Variants in ANK3 observed in about 807,000 individuals in gnomAD.
ANK3 encodes ankyrin 3.
Under a neutral mutation model 370.9 loss-of-function variants are expected in ANK3, and 57 were observed. That is an observed-to-expected ratio of 0.15 (90% confidence interval 0.12 to 0.19). The LOEUF (loss-of-function observed/expected upper bound fraction) is 0.19. Ranked by LOEUF, ANK3 falls within the 10% of genes least tolerant of loss-of-function variation. The pLI is 1.00. For synonymous variants in ANK3, 1,929 were observed against 1,946.3 expected, an observed-to-expected ratio of 0.99 and a Z score of 0.23; for missense variants, 4,439 against 5,302.1, an observed-to-expected ratio of 0.84 and a Z score of 5.06.
At chr10:60,100,213 GAA>G (rs1285342206) in intron 28 of ANK3, among the ~76,000 whole-genome samples, 2 of 118,526 alleles carry the variant, frequency 1.7e-5, no homozygotes, top group African/African-American at 7.3e-5. Flanking sequence ...GCAATAGGCT[GAA>G]AGTCAGTATT....
intron 1 of ANK3, among the ~76,000 whole-genome samples, chr10:60,326,222 C>A (rs928973709): frequency 6.6e-6 from 1 of 151,980 alleles, no homozygotes; most frequent in African/African-American, 2.4e-5. Flanking sequence ...TATAACAAAC[C>A]CCCATGACAC....
rs752570841 is a variant in ANK3 at position 60,070,505 on chromosome 10, A to G, written c.10376T>C (p.Phe3459Ser). ...EGILKPADRSFSQSKLEVIEE... is the reference protein window; with the variant it reads ...EGILKPADRSSSQSKLEVIEE... ...GATAACTTCAAGTTTACTTTGGCTA[A>G]AAGAGCGGTCAGCTGGCTTCAGAAT... is the stretch of plus-strand genomic sequence containing the variant. The change falls in exon 37 of 44, where the codon TTT (phenylalanine) becomes TCT (serine). Residue 3459 changes from phenylalanine to serine, a missense_variant. Phe to Ser is a radical substitution (Grantham distance 155, BLOSUM62 -2). Transcript: ENST00000280772. The surrounding 1 kb of genome is among the most constrained non-coding windows in gnomAD (Gnocchi z 5.7). The G allele has an allele frequency of 2.5e-6, 4 of 1,614,026 alleles. No individual in the cohort carries two copies. The highest frequency in any genetic ancestry group is 2.7e-5 in the African/African-American group (2 of 74,924).
intron 28 of ANK3, among the ~76,000 whole-genome samples, chr10:60,093,253 T>G (rs2089151677): frequency 6.6e-6 from 1 of 152,202 alleles, no homozygotes; most frequent in Admixed American, 6.5e-5. Flanking sequence ...AAGTTCTGAT[T>G]ATCTGTTTAA....
intron 25 of ANK3, among the ~76,000 whole-genome samples, chr10:60,130,553 C>T (rs1278122242): frequency 6.6e-6 from 1 of 152,132 alleles, no homozygotes; most frequent in Non-Finnish European, 1.5e-5. Context: ...ACTTCTTTCA[C>T]GCTTTCCAAC....
intron 1 of ANK3, among the ~76,000 whole-genome samples, chr10:60,334,433 A>G (rs1339330803): frequency 2.0e-5 from 3 of 152,186 alleles, no homozygotes; most frequent in Non-Finnish European, 4.4e-5. Context: ...TTAGCAAGCC[A>G]GCATCACTGT....
At chr10:60,694,843 C>T (rs1388645209) in intron 1 of ANK3, among the ~76,000 whole-genome samples, 124 of 147,410 alleles carry the variant, frequency 8.4e-4, no homozygotes, top group African/African-American at 2.4e-3. Flanking sequence ...CATCAACTAA[C>T]GAGCAAAATA....
intron 2 of ANK3, among the ~76,000 whole-genome samples, chr10:60,477,203 C>T (rs913438853): frequency 3.3e-5 from 5 of 151,796 alleles, no homozygotes; most frequent in African/African-American, 1.2e-4. Context: ...TTTCTGGAGA[C>T]TTGATAATTA....
intron 2 of ANK3, among the ~76,000 whole-genome samples, chr10:60,539,077 T>C (rs1651066834): frequency 6.6e-6 from 1 of 151,842 alleles, no homozygotes; most frequent in Admixed American, 6.6e-5. Flanking sequence ...ATTTGTTCTC[T>C]GATAATACAT....
chr10:60,662,208 C>T (rs962908672), intron 1 of ANK3, among the ~76,000 whole-genome samples: 2 of 152,062 alleles, frequency 1.3e-5, no homozygotes, highest in African/African-American at 4.8e-5. Flanking sequence ...TAGCCAATTA[C>T]AATTGTGGGA....
intron 1 of ANK3, among the ~76,000 whole-genome samples, chr10:60,316,590 C>G (rs2047464526): frequency 6.6e-6 from 1 of 152,076 alleles, no homozygotes; most frequent in African/African-American, 2.4e-5. Flanking sequence ...AGTAGGCACT[C>G]AACAAATATT....
intron 1 of ANK3, among the ~76,000 whole-genome samples, chr10:60,313,928 G>GTTTTTT (rs760802914): frequency 5.3e-5 from 7 of 132,112 alleles, no homozygotes; most frequent in African/African-American, 8.2e-5. Context: ...TTTTGTTTTT[G>GTTTTTT]TTTTTTTTTT....
intron 1 of ANK3, among the ~76,000 whole-genome samples, chr10:60,622,251 C>CA (rs2078347162): frequency 6.8e-6 from 1 of 146,336 alleles, no homozygotes; most frequent in Non-Finnish European, 1.5e-5. Context: ...AGGCCTGAGG[C>CA]TTTTTTTTTT....
chr10:60,253,064 C>T (rs2097690510), intron 7 of ANK3, among the ~76,000 whole-genome samples: 1 of 152,194 alleles, frequency 6.6e-6, no homozygotes. Flanking sequence ...TAAATAACTA[C>T]TCAAGAGCAC....
At chr10:60,184,238 G>T (rs2096270933) in intron 17 of ANK3, among the ~76,000 whole-genome samples, 1 of 152,220 alleles carries the variant, frequency 6.6e-6, no homozygotes, top group Non-Finnish European at 1.5e-5. Flanking sequence ...GGCAGGAGAA[G>T]GGAGGAGGGA....
At chr10:60,707,584 T>C (rs2079638424) in intron 1 of ANK3, among the ~76,000 whole-genome samples, 4 of 151,534 alleles carry the variant, frequency 2.6e-5, no homozygotes, top group African/African-American at 9.7e-5. Flanking sequence ...TTAGACATGA[T>C]TATAGATTTA....
chr10:60,272,089 TTGTGTGTG>T (rs5785433), intron 4 of ANK3, among the ~76,000 whole-genome samples: 14,646 of 145,706 alleles, frequency 0.1, 852 homozygotes, highest in South Asian at 0.17. Context: ...ACTGTGGGAT[TTGTGTGTG>T]TGTGTGTGTG....
At chr10:60,196,112 A>T in intron 16 of ANK3, 33 bp downstream of exon 16, 1 of 1,580,392 alleles carries the variant, frequency 6.3e-7, no homozygotes, top group Non-Finnish European at 8.7e-7. Flanking sequence ...GACCTTACCC[A>T]TCAGTCTCCT....
At chr10:60,732,059 G>C (rs1369204022) in intron 1 of ANK3, among the ~76,000 whole-genome samples, 2 of 152,044 alleles carry the variant, frequency 1.3e-5, no homozygotes, top group African/African-American at 4.8e-5. Flanking sequence ...GTGTTTCAAG[G>C]GCAATTCTAC....
chr10:60,474,969 T>C (rs2075021307), intron 2 of ANK3, among the ~76,000 whole-genome samples: 1 of 152,168 alleles, frequency 6.6e-6, no homozygotes, highest in Admixed American at 6.6e-5. Flanking sequence ...AGAGAAATTG[T>C]TTATCATCTA....
Sources: gnomAD v4.1 joint callset for allele counts (sites outside exome capture counted in the v4.1 genomes callset) on GRCh38, gnomAD v4.1.1 for gene constraint, Gnocchi (gnomAD v3.1) non-coding constraint, MANE v1.5 for transcripts, NCBI Gene and HGNC (gene_info 2026-07-23, HGNC 2026-07-21) for gene names.